Variants in COG6 observed in about 807,000 individuals in gnomAD.
COG6 encodes conserved oligomeric Golgi complex subunit 6.
In COG6, 74 loss-of-function variants were observed where a neutral mutation model predicts 88.8. That is an observed-to-expected ratio of 0.83 (90% CI 0.69 to 1.01). COG6 has a LOEUF of 1.01. COG6 is among the 50% of genes least tolerant of loss of function. The probability of loss-of-function intolerance (pLI) is 0.00; values close to 1 mark genes in which losing one functional copy is unlikely to be tolerated. For synonymous variants in COG6, 286 were observed against 278.7 expected (o/e 1.03, Z -0.26); for missense variants, 800 against 797.9 (o/e 1.00, Z -0.03).
At chr13:39,745,682 A>G (rs1300952580) in intron 18 of COG6, among the ~76,000 whole-genome samples, 3 of 152,172 alleles carry the variant, frequency 2.0e-5, no homozygotes, top group Non-Finnish European at 4.4e-5. Context: ...CAGTGTGGCA[A>G]ATCCTCAAGG....
intron 13 of COG6, among the ~76,000 whole-genome samples, chr13:39,713,474 G>A (rs1293299223): frequency 2.0e-5 from 3 of 152,174 alleles, no homozygotes; most frequent in East Asian, 1.9e-4. Flanking sequence ...GGTGGCTCAC[G>A]CCTGTAATCC....
intron 16 of COG6, among the ~76,000 whole-genome samples, chr13:39,723,706 T>C (rs1424200636): frequency 6.6e-6 from 1 of 152,028 alleles, no homozygotes; most frequent in African/African-American, 2.4e-5. Context: ...GTATTAACAA[T>C]CCTTTTTATT....
At chr13:39,687,994 T>C (rs946481567) in intron 10 of COG6, among the ~76,000 whole-genome samples, 195 bp downstream of exon 10, 1 of 152,218 alleles carries the variant, frequency 6.6e-6, no homozygotes, top group African/African-American at 2.4e-5. Context: ...CTTTGTCCTG[T>C]CACTCAACTG....
chr13:39,670,486 A>C (rs1875559544), intron 4 of COG6, among the ~76,000 whole-genome samples: 1 of 152,034 alleles, frequency 6.6e-6, no homozygotes, highest in African/African-American at 2.4e-5. Context: ...AGAGATTATT[A>C]GATTTTTGAT....
At chr13:39,668,768 A>G (rs1221325151) in intron 4 of COG6, among the ~76,000 whole-genome samples, 1 of 151,238 alleles carries the variant, frequency 6.6e-6, no homozygotes, top group Non-Finnish European at 1.5e-5. Context: ...AGCCTGGGCG[A>G]CAGAGCGAGA....
intron 4 of COG6, among the ~76,000 whole-genome samples, chr13:39,673,542 T>C (rs1428335215): frequency 6.6e-6 from 1 of 152,058 alleles, no homozygotes; most frequent in Non-Finnish European, 1.5e-5. Context: ...GAAATACTTT[T>C]TCTTAAGGAT....
Position 39,700,414 on chromosome 13 carries a change from A to G in COG6, c.1284+796A>G, listed in dbSNP as rs566184902. Among the ~76,000 whole-genome samples the G allele has an allele frequency of 2.5e-3, 387 of 152,014 alleles. 1 individual carries two copies. The highest frequency in any genetic ancestry group is 6.8e-3 in the Middle Eastern group (2 of 294). Reference sequence around the variant, plus strand: ...CTTTCCTAAGCCTTAATAGGAGTCTACTTCCTGACCCACATGCATGACTCA... The same window carrying G: ...CTTTCCTAAGCCTTAATAGGAGTCTGCTTCCTGACCCACATGCATGACTCA... On this transcript the variant is annotated intron_variant, in intron 13 of 18. Coordinates refer to ENST00000455146, the MANE Select transcript of COG6 (RefSeq NM_020751.3).
chr13:39,729,169 G>A lies in COG6; in HGVS notation c.1826+1621G>A, dbSNP rs551058198. On this transcript the variant is annotated intron_variant, in intron 18 of 18. Transcript: ENST00000455146. ...GTAGCTCAGATGCTGTGAAGCAGGGGTCCCCAACCCCGGGCCAGGGACCCT... is the reference window on the plus strand; with the variant it reads ...GTAGCTCAGATGCTGTGAAGCAGGGATCCCCAACCCCGGGCCAGGGACCCT... Among the ~76,000 whole-genome samples the A allele has an allele frequency of 9.2e-5, 14 of 152,304 alleles. No individual in the cohort carries two copies. In the East Asian group the frequency reaches 1.5e-3, roughly 17 times the overall value.
In COG6 at chr13:39,724,500, T is replaced by C; in HGVS notation, c.1693-8T>C. On this transcript the variant is annotated splice_polypyrimidine_tract_variant and splice_region_variant and intron_variant, in intron 16 of 18. Transcript: ENST00000455146. ...TGGATCTGCTTTTTTTTTTTTTTTT[T>C]TAAATAGGGCTCTTTAGCTAATATG... 1 of 1,293,598 alleles carries C rather than the reference T, an allele frequency of 7.7e-7. No individual in the cohort carries two copies. Among genetic ancestry groups the C allele is most frequent in the Non-Finnish European group, 1.0e-6 (1 of 953,938 alleles). The allele number at this position is 1,293,598 out of a possible 1,614,324, so 80.1% of individuals were successfully genotyped here.
chr13:39,756,609 G>A (rs560733927), downstream of COG6, among the ~76,000 whole-genome samples: 9 of 152,158 alleles, frequency 5.9e-5, no homozygotes, highest in African/African-American at 2.2e-4. Context: ...GGCTAAGAGG[G>A]AATCTTGAAA....
At chr13:39,673,673 A>G (rs1051603617) in intron 4 of COG6, among the ~76,000 whole-genome samples, 1 of 151,920 alleles carries the variant, frequency 6.6e-6, no homozygotes, top group Non-Finnish European at 1.5e-5. Flanking sequence ...TCTTTCTTAA[A>G]TTTTTTTGAC....
chr13:39,776,565 A>G (rs976136335), intron 18 of COG6, among the ~76,000 whole-genome samples: 22 of 152,208 alleles, frequency 1.4e-4, no homozygotes, highest in Non-Finnish European at 2.6e-4. Context: ...TGGAAAATGA[A>G]GGAGAACAAA....
intron 13 of COG6, among the ~76,000 whole-genome samples, chr13:39,718,981 C>A (rs1255777645): frequency 6.6e-6 from 1 of 152,030 alleles, no homozygotes; most frequent in Non-Finnish European, 1.5e-5. Flanking sequence ...TTCAATTGAA[C>A]ACTAACTTTT....
Position 39,735,250 on chromosome 13 carries a change from T to G in COG6, c.1826+7702T>G, listed in dbSNP as rs114109048. 7.7e-3 allele frequency among the ~76,000 whole-genome samples: 1,177 copies of G among 152,218 alleles called. 23 individuals are homozygous for G. The highest frequency in any genetic ancestry group is 0.027 in the African/African-American group (1,124 of 41,538). ...TGGTATATTTTAAATTTCTTTTTATTTTTTGTATATCTGTTGTATGTTTTT... is the reference window on the plus strand; with the variant it reads ...TGGTATATTTTAAATTTCTTTTTATGTTTTGTATATCTGTTGTATGTTTTT... On this transcript the variant is annotated intron_variant, in intron 18 of 18. Coordinates refer to ENST00000455146, the MANE Select transcript of COG6 (RefSeq NM_020751.3).
chr13:39,766,651 C>T (rs1431661619), intron 18 of COG6, among the ~76,000 whole-genome samples: 1 of 152,118 alleles, frequency 6.6e-6, no homozygotes, highest in Admixed American at 6.5e-5. Context: ...TTTGTTAGAA[C>T]TAAGCATTTG....
intron 1 of COG6, among the ~76,000 whole-genome samples, chr13:39,658,008 G>A (rs978803585): frequency 1.7e-4 from 26 of 149,946 alleles, no homozygotes; most frequent in Admixed American, 6.6e-4. Context: ...ACTAAAGAAC[G>A]TCACCATTTA....
intron 5 of COG6, chr13:39,678,107 A>AC: frequency 2.3e-6 from 1 of 439,766 alleles, no homozygotes; most frequent in Non-Finnish European, 4.5e-6. Flanking sequence ...CGCTCTGTCA[A>AC]CCTGGCTGGA....
chr13:39,655,627 G>A, upstream of COG6: 1 of 1,388,780 alleles, frequency 7.2e-7, no homozygotes, highest in Non-Finnish European at 1.0e-6. Flanking sequence ...TTCCGGGGCC[G>A]ATGCGCATGC....
rs370628182 is a variant in COG6, at chr13:39,723,443, A to G, written c.1692+3A>G. On this transcript the variant is annotated splice_donor_region_variant and intron_variant, in intron 16 of 18. Coordinates refer to ENST00000455146, the MANE Select transcript of COG6 (RefSeq NM_020751.3). ...TACAGCAACATAAACCTGAACAGGTAAGTGCATAGATGTTCCTTCCTAATT... is the reference window on the plus strand; with the variant it reads ...TACAGCAACATAAACCTGAACAGGTGAGTGCATAGATGTTCCTTCCTAATT... 14 of 1,490,200 alleles carry G rather than the reference A, an allele frequency of 9.4e-6. No homozygotes were observed. The highest frequency in any genetic ancestry group is 1.2e-5 in the Non-Finnish European group (13 of 1,067,666). The allele number at this position is 1,490,200 out of a possible 1,614,324, so 92.3% of individuals were successfully genotyped here. A position where few individuals can be genotyped will look rare whatever the true frequency, so the allele number is the denominator to read the frequency against.
Sources: gnomAD v4.1 joint callset for allele counts (sites outside exome capture counted in the v4.1 genomes callset) on GRCh38, gnomAD v4.1.1 for gene constraint, MANE v1.5 for transcripts, NCBI Gene and HGNC (gene_info 2026-07-23, HGNC 2026-07-21) for gene names.